Variants in COLGALT1 observed in about 807,000 individuals in gnomAD.
The protein encoded by COLGALT1 is collagen beta(1-O)galactosyltransferase 1.
Under a neutral mutation model 60.8 loss-of-function variants are expected in COLGALT1, and 43 were observed. The observed-to-expected ratio is 0.71, with a 90% CI of 0.55 to 0.91. The LOEUF (loss-of-function observed/expected upper bound fraction) is 0.91, where lower values mean the gene tolerates loss of function less well. Ranked by LOEUF, COLGALT1 falls within the 40% of genes least tolerant of loss-of-function variation. COLGALT1 has a pLI of 0.00. For synonymous variants in COLGALT1, 369 were observed against 374.2 expected (o/e 0.99, Z 0.16); for missense variants, 845 against 880.0 (o/e 0.96, Z 0.50).
At chr19:17,557,049 G>C (rs900146943) in intron 1 of COLGALT1, among the ~76,000 whole-genome samples, 4 of 152,234 alleles carry the variant, frequency 2.6e-5, no homozygotes, top group Non-Finnish European at 4.4e-5. Context: ...TTATTATCAT[G>C]ATTACTGTCA....
chr19:17,558,135 C>T (rs575379995), intron 1 of COLGALT1, among the ~76,000 whole-genome samples: 2 of 151,108 alleles, frequency 1.3e-5, no homozygotes, highest in African/African-American at 4.9e-5. Flanking sequence ...GATGGGATTT[C>T]ACCATGTTGG....
intron 10 of COLGALT1, 199 bp downstream of exon 10, chr19:17,579,808 A>G: frequency 1.5e-6 from 1 of 650,350 alleles, no homozygotes. Flanking sequence ...GTGGAGCTGA[A>G]TCCTACGGGC....
chr19:17,558,570 C>T (rs577704053), intron 1 of COLGALT1, among the ~76,000 whole-genome samples: 16 of 151,156 alleles, frequency 1.1e-4, no homozygotes, highest in African/African-American at 2.4e-4. Context: ...CCCAGCTACT[C>T]GGGAGGCTGA....
chr19:17,580,422 A>C, intron 10 of COLGALT1: 1 of 509,488 alleles, frequency 2.0e-6, no homozygotes, highest in Non-Finnish European at 3.6e-6. Flanking sequence ...CTGAACTCAG[A>C]GCAGCTTCAG....
At chr19:17,564,062 C>CCT (rs1555768584) in intron 3 of COLGALT1, among the ~76,000 whole-genome samples, 2 of 119,728 alleles carry the variant, frequency 1.7e-5, no homozygotes, top group African/African-American at 5.7e-5. Flanking sequence ...ATAGTGAGAC[C>CCT]CCCCCCATCT....
chr19:17,581,030 C>T, intron 11 of COLGALT1, 125 bp downstream of exon 11: 1 of 1,391,996 alleles, frequency 7.2e-7, no homozygotes, highest in Non-Finnish European at 1.0e-6. Context: ...CCTCCGTTTG[C>T]CCCCTCGCAG....
rs931500273 is a variant in COLGALT1, at chr19:17,559,017, C to T, written c.261-294C>T. Reference sequence around the variant, plus strand: ...CTACTAAAAATACAAAAAAATTAGCCGGGTGTGGTGGCGGGCGCCTGTAGT... The same window carrying T: ...CTACTAAAAATACAAAAAAATTAGCTGGGTGTGGTGGCGGGCGCCTGTAGT... On this transcript the variant is annotated intron_variant, in intron 1 of 11. Coordinates refer to ENST00000252599, the MANE Select transcript of COLGALT1 (RefSeq NM_024656.4). 1.2e-4 allele frequency among the ~76,000 whole-genome samples: 18 copies of T among 151,932 alleles called. No homozygotes were observed. In the East Asian group the frequency reaches 1.6e-3, roughly 13 times the overall value.
At chr19:17,572,294 ACT>A (rs367969110) in intron 5 of COLGALT1, among the ~76,000 whole-genome samples, 187 bp from the exon 6 acceptor site, 4 of 141,560 alleles carry the variant, frequency 2.8e-5, no homozygotes, top group Non-Finnish European at 6.3e-5. Context: ...GGAGAGTGAG[ACT>A]CTGTCTTAAA....
intron 10 of COLGALT1, chr19:17,580,467 A>C: frequency 1.7e-6 from 1 of 576,628 alleles, no homozygotes; most frequent in South Asian, 2.0e-5. Context: ...TGCTCTCCCC[A>C]GCTCCAGATC....
chr19:17,560,231 C>T (rs1568472580), intron 2 of COLGALT1, 117 bp from the exon 3 acceptor site: 18 of 687,854 alleles, frequency 2.6e-5, no homozygotes, highest in Non-Finnish European at 3.3e-5. Context: ...TCCCTCAGAT[C>T]AGCTTACACG....
At position 17,564,319 on chromosome 19, in the gene COLGALT1, A is replaced by G. The variant is rs367878687; in HGVS notation, c.490-3087A>G. On this transcript the variant is annotated intron_variant, in intron 3 of 11. Coordinates refer to ENST00000252599, the MANE Select transcript of COLGALT1 (RefSeq NM_024656.4). The stretch of plus-strand genomic sequence containing the variant: ...TATACATATATACATATATACGTGT[A>G]TATGTATATATATCTATATATGTAT... Among the ~76,000 whole-genome samples the G allele has an allele frequency of 1.5e-4, 22 of 151,096 alleles. 1 individual carries two copies. The East Asian group carries it at 3.3e-3, about 23-fold the overall frequency.
chr19:17,572,335 G>T (rs1238514148), intron 5 of COLGALT1, 148 bp from the exon 6 acceptor site: 3 of 1,086,530 alleles, frequency 2.8e-6, no homozygotes, highest in Non-Finnish European at 4.0e-6. Flanking sequence ...GTAGATATAA[G>T]GTCTTGCTCT....
At chr19:17,558,364 C>T (rs554218957) in intron 1 of COLGALT1, among the ~76,000 whole-genome samples, 49 of 150,332 alleles carry the variant, frequency 3.3e-4, no homozygotes, top group Non-Finnish European at 5.3e-4. Context: ...CGTGAGCCAC[C>T]GTGCCTGGCC....
intron 4 of COLGALT1, among the ~76,000 whole-genome samples, chr19:17,567,973 A>G (rs1050038651): frequency 4.6e-5 from 7 of 151,968 alleles, no homozygotes; most frequent in Non-Finnish European, 8.8e-5. Flanking sequence ...ACAAAAACTC[A>G]TTATGGTAAT....
Position 17,581,301 on chromosome 19 carries a change from G to T in COLGALT1, c.1726G>T (p.Val576Leu), listed in dbSNP as rs187492977. Residue 576 changes from valine to leucine, a missense_variant, in exon 12 of 12, where the codon GTA becomes TTA. By Grantham distance (32) the Val-to-Leu change is conservative (BLOSUM62 1). Transcript: ENST00000252599. ...TGTGAGTGACACCGAGACCTCAGTC[G>T]TATGGAACAATGAGCACGTCAAGAC... ...GYVSDTETSV[V>L]WNNEHVKTDW... 5.6e-6 allele frequency: 9 copies of T among 1,613,158 alleles called. No individual in the cohort carries two copies. The highest frequency in any genetic ancestry group is 2.2e-5 in the East Asian group (1 of 44,860).
In COLGALT1 at chr19:17,577,403, C is replaced by T. The variant is rs1312823991; in HGVS notation, c.1069C>T (p.Arg357Cys). The T allele has an allele frequency of 1.9e-6, 3 of 1,556,290 alleles. No homozygotes were observed. The highest frequency in any genetic ancestry group is 1.7e-6 in the Non-Finnish European group (2 of 1,154,704). ...NLRRRQDRRE[R>C]MLRALQAQEI... ...GAGGCGGCGGCAGGACCGGCGGGAGCGCATGCTGCGGGCGCTGCAGGCACA... is the reference window on the plus strand; with the variant it reads ...GAGGCGGCGGCAGGACCGGCGGGAGTGCATGCTGCGGGCGCTGCAGGCACA... Residue 357 changes from arginine (R) to cysteine (C), a missense_variant, in exon 8 of 12, where the codon CGC becomes TGC. Arg to Cys is a radical substitution (Grantham distance 180). Transcript: ENST00000252599.
In COLGALT1 at chr19:17,578,158, G is replaced by C. The variant is rs983454850; in HGVS notation, c.1266+69G>C. The C allele has an allele frequency of 7.6e-6, 11 of 1,443,756 alleles. No individual in the cohort carries two copies. The African/African-American group carries it at 1.4e-4, about 19-fold the overall frequency. 89.4% of individuals were successfully genotyped at this position (1,443,756 alleles called of 1,614,324 possible). A position where few individuals can be genotyped will look rare whatever the true frequency, so the allele number is the denominator to read the frequency against. On this transcript the variant is annotated intron_variant, in intron 9 of 11. Transcript: ENST00000252599. ...TCTCATCGGAGATTTGGACGGGAAA[G>C]GGGTTGAAAGAGTTCCCCAAAGCCC...
rs984860257 is a variant in COLGALT1, at chr19:17,579,451, C to A, written c.1267-31C>A. On this transcript the variant is annotated intron_variant, in intron 9 of 11. Coordinates refer to ENST00000252599, the MANE Select transcript of COLGALT1 (RefSeq NM_024656.4). ...TTAGGGTCAGGCCTGGCCTTGGCCTCCCTGTGATGTGGCGGGGCTTCCTCC... is the reference window on the plus strand; with the variant it reads ...TTAGGGTCAGGCCTGGCCTTGGCCTACCTGTGATGTGGCGGGGCTTCCTCC... The A allele has an allele frequency of 6.2e-6, 10 of 1,613,938 alleles. No homozygotes were observed. In the African/African-American group the frequency reaches 1.1e-4, roughly 17 times the overall value.
In COLGALT1 at chr19:17,580,682, C is replaced by A; in HGVS notation, c.1395-17C>A. The A allele has an allele frequency of 1.2e-6, 2 of 1,613,460 alleles. No individual in the cohort carries two copies. Among genetic ancestry groups the A allele is most frequent in the Non-Finnish European group, 1.7e-6 (2 of 1,179,874 alleles). On this transcript the variant is annotated splice_polypyrimidine_tract_variant and intron_variant, in intron 10 of 11. Coordinates refer to ENST00000252599, the MANE Select transcript of COLGALT1 (RefSeq NM_024656.4). ...GGAGGGCGGGAGGAGAGTGACAGGC[C>A]CGATCTTGCACCCCAGCTATGTGGG... is the stretch of plus-strand genomic sequence containing the variant.
Sources: gnomAD v4.1 joint callset for allele counts (sites outside exome capture counted in the v4.1 genomes callset) on GRCh38, gnomAD v4.1.1 for gene constraint, MANE v1.5 for transcripts, NCBI Gene and HGNC (gene_info 2026-07-23, HGNC 2026-07-21) for gene names.